MCC: variants seen among roughly 807,000 people sequenced by gnomAD.
The protein encoded by MCC is colorectal mutant cancer protein.
MCC carries 90 observed loss-of-function variants against 116.2 expected under a neutral mutation model. The observed-to-expected ratio is 0.77, with a 90% CI of 0.65 to 0.92. The LOEUF is 0.92. Ranked by LOEUF, MCC falls within the 40% of genes least tolerant of loss-of-function variation. The pLI is 0.00. For synonymous variants in MCC, 578 were observed against 510.5 expected (o/e 1.13, Z -1.78); for missense variants, 1,516 against 1,312.2 (o/e 1.16, Z -2.40).
intron 17 of MCC, among the ~76,000 whole-genome samples, chr5:113,037,496 C>G (rs1181347414): frequency 6.6e-6 from 1 of 152,250 alleles, no homozygotes; most frequent in Middle Eastern, 3.4e-3. Flanking sequence ...AATTTGAGAT[C>G]AGCCTGGGCA....
At chr5:113,273,638 A>G (rs1765701850) in intron 3 of MCC, among the ~76,000 whole-genome samples, 1 of 152,196 alleles carries the variant, frequency 6.6e-6, no homozygotes, top group South Asian at 2.1e-4. Context: ...GACTAAATGC[A>G]ATACAACTGT....
chr5:113,459,968 G>A (rs1214020857), intron 1 of MCC, among the ~76,000 whole-genome samples: 1 of 152,114 alleles, frequency 6.6e-6, no homozygotes, highest in Non-Finnish European at 1.5e-5. Flanking sequence ...AAGGAATCAA[G>A]CTGGAAACTT....
intron 8 of MCC, among the ~76,000 whole-genome samples, chr5:113,091,116 G>C (rs1001006406): frequency 4.6e-5 from 7 of 152,226 alleles, no homozygotes; most frequent in African/African-American, 1.7e-4. Context: ...TCCACAGAAG[G>C]AATCCTGAGG....
At chr5:113,105,417 T>A (rs1756672290) in intron 6 of MCC, among the ~76,000 whole-genome samples, 1 of 152,248 alleles carries the variant, frequency 6.6e-6, no homozygotes, top group Non-Finnish European at 1.5e-5. Context: ...CAACCTCATC[T>A]GGTTGCCTCT....
At chr5:113,134,964 CAG>C (rs1758721027) in intron 5 of MCC, among the ~76,000 whole-genome samples, 2 of 132,912 alleles carry the variant, frequency 1.5e-5, no homozygotes, top group Admixed American at 8.1e-5. Context: ...TTTTTTTAAA[CAG>C]AGTCTCGCTC....
At chr5:113,480,620 A>G (rs1463752725) in intron 1 of MCC, among the ~76,000 whole-genome samples, 1 of 152,206 alleles carries the variant, frequency 6.6e-6, no homozygotes, top group Non-Finnish European at 1.5e-5. Context: ...CAACATCAAT[A>G]CTTGCAGAAA....
At chr5:113,441,541 T>A (rs1023609468) in intron 1 of MCC, among the ~76,000 whole-genome samples, 2 of 152,168 alleles carry the variant, frequency 1.3e-5, no homozygotes, top group Admixed American at 6.5e-5. Flanking sequence ...CTGGGGTACA[T>A]GTGCGGAACG....
chr5:113,239,627 A>T (rs1194771238), intron 3 of MCC, among the ~76,000 whole-genome samples: 2 of 152,206 alleles, frequency 1.3e-5, no homozygotes, highest in Non-Finnish European at 2.9e-5. Context: ...GATGGGGAAG[A>T]GGACTCGAGT....
chr5:113,191,903 T>C (rs1762168391), intron 3 of MCC, among the ~76,000 whole-genome samples: 1 of 152,142 alleles, frequency 6.6e-6, no homozygotes, highest in Non-Finnish European at 1.5e-5. Flanking sequence ...CAACAGAAAA[T>C]TCTCAAGAAT....
At chr5:113,482,486 G>A (rs1212601499) in intron 1 of MCC, among the ~76,000 whole-genome samples, 1 of 152,074 alleles carries the variant, frequency 6.6e-6, no homozygotes, top group East Asian at 1.9e-4. Flanking sequence ...TGGTAGTTTT[G>A]ATTTGCATTT....
chr5:113,300,651 A>G (rs1766839585), intron 3 of MCC, among the ~76,000 whole-genome samples: 1 of 152,116 alleles, frequency 6.6e-6, no homozygotes, highest in Non-Finnish European at 1.5e-5. Flanking sequence ...GGAGCCCTCA[A>G]AGTACATACT....
Position 113,122,774 on chromosome 5 carries a change from C to G in MCC, c.937G>C (p.Glu313Gln), listed in dbSNP as rs759533774. ...LRSELSQSQH[E>Q]VNEDSRSMDQ... ...ATGCTTCGAGAGTCCTCGTTGACCTCGTGTTGGCTCTGGCTGAGTTCTGAT... is the reference window on the plus strand; with the variant it reads ...ATGCTTCGAGAGTCCTCGTTGACCTGGTGTTGGCTCTGGCTGAGTTCTGAT... The change falls in exon 6 of 19, where the codon GAG becomes CAG. Residue 313 changes from glutamate (E) to glutamine (Q), a missense_variant. Glu to Gln is a conservative substitution (Grantham distance 29). Transcript: ENST00000408903. The G allele has an allele frequency of 6.2e-7, 1 of 1,614,172 alleles. No homozygotes were observed. The highest frequency in any genetic ancestry group is 1.7e-5 in the Admixed American group (1 of 60,028).
chr5:113,159,275 G>T (rs911370649), intron 3 of MCC, among the ~76,000 whole-genome samples: 2 of 152,124 alleles, frequency 1.3e-5, no homozygotes, highest in African/African-American at 4.8e-5. Flanking sequence ...TATGGGCTTT[G>T]CATACTTTAT....
At chr5:113,329,346 G>A (rs1767639571) in intron 3 of MCC, among the ~76,000 whole-genome samples, 1 of 151,834 alleles carries the variant, frequency 6.6e-6, no homozygotes, top group Non-Finnish European at 1.5e-5. Flanking sequence ...TCTCCCACCT[G>A]GGCCTAAGAG....
At chr5:113,373,762 C>T (rs1340630033) in intron 2 of MCC, among the ~76,000 whole-genome samples, 1 of 152,228 alleles carries the variant, frequency 6.6e-6, no homozygotes, top group East Asian at 1.9e-4. Flanking sequence ...ATGTAATATC[C>T]TTAATTATGT....
intron 2 of MCC, among the ~76,000 whole-genome samples, chr5:113,342,279 C>T (rs917568107): frequency 6.6e-6 from 1 of 152,098 alleles, no homozygotes; most frequent in African/African-American, 2.4e-5. Context: ...TTTGCAATAG[C>T]GAATTGTGCT....
intron 3 of MCC, among the ~76,000 whole-genome samples, chr5:113,158,111 C>G (rs1312721858): frequency 6.6e-6 from 1 of 152,202 alleles, no homozygotes; most frequent in Non-Finnish European, 1.5e-5. Flanking sequence ...AAACAGCTTG[C>G]AATTTCAAAC....
chr5:113,413,510 G>A (rs1028708745), intron 1 of MCC, among the ~76,000 whole-genome samples: 8 of 152,190 alleles, frequency 5.3e-5, no homozygotes, highest in African/African-American at 1.9e-4. Flanking sequence ...GAAGGTGTAT[G>A]TGTCCAGGAA....
At chr5:113,209,249 C>A (rs988312369) in intron 3 of MCC, among the ~76,000 whole-genome samples, 2 of 152,116 alleles carry the variant, frequency 1.3e-5, no homozygotes, top group African/African-American at 2.4e-5. Flanking sequence ...GACATGTTTA[C>A]CTAAAGTTGT....
Sources: allele counts gnomAD v4.1 joint callset (sites outside exome capture counted in the v4.1 genomes callset), GRCh38; gene constraint gnomAD v4.1.1; transcripts MANE v1.5; gene names NCBI Gene and HGNC (gene_info 2026-07-23, HGNC 2026-07-21).